COL5A2: variants seen among roughly 807,000 people sequenced by gnomAD.
COL5A2 encodes the protein collagen type V alpha 2 chain.
In COL5A2, 23 loss-of-function variants were observed where a neutral mutation model predicts 208.2. That is an observed-to-expected ratio of 0.11 (90% CI 0.08 to 0.16). The LOEUF (loss-of-function observed/expected upper bound fraction) is 0.16, where lower values mean the gene tolerates loss of function less well. Ranked by LOEUF, COL5A2 falls within the 10% of genes least tolerant of loss-of-function variation. The probability of loss-of-function intolerance (pLI) is 1.00; values close to 1 mark genes in which losing one functional copy is unlikely to be tolerated. For synonymous variants in COL5A2, 625 were observed against 628.5 expected (o/e 0.99, Z 0.08); for missense variants, 1,590 against 1,956.4 (o/e 0.81, Z 3.53).
chr2:189,267,745 A>G, the COL5A2 span, among the ~76,000 whole-genome samples: 5 of 152,138 alleles, frequency 3.3e-5, no homozygotes, highest in African/African-American at 9.7e-5. Context: ...TGTGTCTCAC[A>G]TTATATTTAT....
At chr2:189,168,139 C>T (rs1026818095) in intron 1 of COL5A2, among the ~76,000 whole-genome samples, 1 of 151,656 alleles carries the variant, frequency 6.6e-6, no homozygotes, top group African/African-American at 2.4e-5. Flanking sequence ...GGGGGTTTCA[C>T]TGTGTTAGCC....
At chr2:189,246,932 A>T in the COL5A2 span, among the ~76,000 whole-genome samples, 1 of 152,312 alleles carries the variant, frequency 6.6e-6, no homozygotes, top group Non-Finnish European at 1.5e-5. Flanking sequence ...TAATAACCTG[A>T]AACAACACTA....
the COL5A2 span, among the ~76,000 whole-genome samples, chr2:189,256,093 T>G: frequency 2.0e-5 from 3 of 152,248 alleles, no homozygotes; most frequent in South Asian, 6.2e-4. Flanking sequence ...CCAGGCAGAG[T>G]ACCTGGCACT....
intron 31 of COL5A2, 71 bp from the exon 32 acceptor site, chr2:189,058,964 G>T: frequency 8.0e-7 from 1 of 1,247,652 alleles, no homozygotes; most frequent in Non-Finnish European, 1.2e-6. Context: ...AAACTTTCCA[G>T]TTCATACACC....
intron 50 of COL5A2, 88 bp downstream of exon 50, chr2:189,041,498 G>C: frequency 9.5e-7 from 1 of 1,056,570 alleles, no homozygotes; most frequent in Non-Finnish European, 1.5e-6. Context: ...TAAGTCTCTT[G>C]TCAATCGGGC....
upstream of COL5A2, among the ~76,000 whole-genome samples, chr2:189,225,874 C>A (rs1689409493): frequency 1.3e-5 from 2 of 152,056 alleles, no homozygotes; most frequent in Admixed American, 1.3e-4. Flanking sequence ...TACATGAGTA[C>A]AGAACCAATA....
the COL5A2 span, among the ~76,000 whole-genome samples, chr2:189,319,799 C>G: frequency 6.6e-6 from 1 of 152,200 alleles, no homozygotes; most frequent in African/African-American, 2.4e-5. Context: ...CCCTGTCTGA[C>G]AGCCTTGAAG....
chr2:189,058,690 T>C (rs1685954871), intron 32 of COL5A2, among the ~76,000 whole-genome samples, 159 bp downstream of exon 32: 1 of 152,244 alleles, frequency 6.6e-6, no homozygotes, highest in African/African-American at 2.4e-5. Context: ...AGTAAGGATA[T>C]GCTAGTTTCA....
rs1685559098 is a variant in COL5A2 at position 189,041,504 on chromosome 2, C to T, written c.3633+82G>A. On this transcript the variant is annotated intron_variant, in intron 50 of 53. Coordinates refer to ENST00000374866, the MANE Select transcript of COL5A2 (RefSeq NM_000393.5). ...GGGGTCCCTTAAGTCTCTTGTCAATCGGGCTGCACAGACATTTCTTGGACG... is the reference window on the plus strand; with the variant it reads ...GGGGTCCCTTAAGTCTCTTGTCAATTGGGCTGCACAGACATTTCTTGGACG... 19 of 1,103,042 alleles carry T rather than the reference C, an allele frequency of 1.7e-5. 1 individual carries two copies. The highest frequency in any genetic ancestry group is 5.0e-5 in the South Asian group (4 of 80,438). The allele number at this position is 1,103,042 out of a possible 1,614,324, so 68.3% of individuals were successfully genotyped here. A position where few individuals can be genotyped will look rare whatever the true frequency, so the allele number is the denominator to read the frequency against.
intron 6 of COL5A2, among the ~76,000 whole-genome samples, chr2:189,092,837 G>C (rs947289897): frequency 1.3e-5 from 2 of 152,028 alleles, no homozygotes; most frequent in African/African-American, 4.8e-5. Context: ...CTATGTATAC[G>C]TCTGCTTAAC....
At chr2:189,383,130 A>T in the COL5A2 span, among the ~76,000 whole-genome samples, 1 of 152,302 alleles carries the variant, frequency 6.6e-6, no homozygotes, top group East Asian at 1.9e-4. Flanking sequence ...GTATTACAGT[A>T]GTTTTTGCTT....
chr2:189,314,611 C>T, the COL5A2 span, among the ~76,000 whole-genome samples: 3,014 of 152,076 alleles, frequency 0.02, 102 homozygotes, highest in African/African-American at 0.069. Context: ...GAGACTGAGA[C>T]GCAAGAAACC....
At chr2:189,099,653 C>T (rs547491486) in intron 4 of COL5A2, among the ~76,000 whole-genome samples, 1 of 151,914 alleles carries the variant, frequency 6.6e-6, no homozygotes, top group Non-Finnish European at 1.5e-5. Context: ...AATAATGAAA[C>T]CTGACAGAAC....
chr2:189,041,777 T>C (rs1270969898), intron 49 of COL5A2, 84 bp from the exon 50 acceptor site: 9 of 822,346 alleles, frequency 1.1e-5, no homozygotes, highest in African/African-American at 6.8e-5. Context: ...CTATTTTACA[T>C]ATGGAGCTGT....
intron 1 of COL5A2, among the ~76,000 whole-genome samples, chr2:189,201,964 A>C (rs1178952946): frequency 6.6e-6 from 1 of 151,474 alleles, no homozygotes; most frequent in African/African-American, 2.4e-5. Context: ...CTGTTAATAA[A>C]AATAGAATAA....
At chr2:189,061,275 T>C (rs542475185) in intron 30 of COL5A2, among the ~76,000 whole-genome samples, 68 of 152,276 alleles carry the variant, frequency 4.5e-4, no homozygotes, top group African/African-American at 1.6e-3. Context: ...ATAAACTTTG[T>C]TGAGCTATCA....
At chr2:189,210,651 C>T (rs956592474) in intron 1 of COL5A2, among the ~76,000 whole-genome samples, 1 of 152,118 alleles carries the variant, frequency 6.6e-6, no homozygotes, top group Non-Finnish European at 1.5e-5. Flanking sequence ...TAACTTAATA[C>T]CAATGGAGAA....
chr2:189,119,601 A>G lies in COL5A2; in HGVS notation c.98-9152T>C, dbSNP rs145122134. ...TCATTATTGTATAATTCACATTTTA[A>G]TTTATTTAAACATGGTGACTACGAA... On this transcript the variant is annotated intron_variant, in intron 1 of 53. Transcript: ENST00000374866. 2.6e-3 allele frequency among the ~76,000 whole-genome samples: 399 copies of G among 152,160 alleles called. 11 individuals are homozygous for G. Among genetic ancestry groups the G allele is most frequent in the Admixed American group, 0.022 (337 of 15,288 alleles).
chr2:189,039,659 C>A, intron 50 of COL5A2, 96 bp from the exon 51 acceptor site: 1 of 1,217,614 alleles, frequency 8.2e-7, no homozygotes, highest in Non-Finnish European at 1.2e-6. Flanking sequence ...TGAGACACTC[C>A]AATTTGACAG....
Sources: gnomAD v4.1 joint callset for allele counts (sites outside exome capture counted in the v4.1 genomes callset) on GRCh38, gnomAD v4.1.1 for gene constraint, MANE v1.5 for transcripts, NCBI Gene and HGNC (gene_info 2026-07-23, HGNC 2026-07-21) for gene names.